The following TESK2 variants were observed in gnomAD, a reference collection of about 807,000 sequenced individuals.
The protein encoded by TESK2 is dual specificity testis-specific protein kinase 2.
TESK2 carries 39 observed loss-of-function variants against 57.1 expected under a neutral mutation model. The observed-to-expected ratio is 0.68, with a 90% CI of 0.53 to 0.89. The LOEUF (loss-of-function observed/expected upper bound fraction) is 0.89. Ranked by LOEUF, TESK2 falls within the 40% of genes least tolerant of loss-of-function variation. TESK2 has a pLI of 0.00. For synonymous variants in TESK2, 249 were observed against 267.9 expected (o/e 0.93, Z 0.69); for missense variants, 646 against 732.1 (o/e 0.88, Z 1.36).
At chr1:45,407,144 G>A (rs757822839) in intron 3 of TESK2, among the ~76,000 whole-genome samples, 30 of 152,232 alleles carry the variant, frequency 2.0e-4, no homozygotes, top group African/African-American at 6.7e-4. Context: ...AGAGTGCAGC[G>A]GTGTGATTAC....
In TESK2 at chr1:45,348,013, G is replaced by A; in HGVS notation, c.541-13C>T. ...TTATCAGGCAGTTCTAGGGTTCCCA[G>A]GAAGGAAGAGAAAATAATGTGGCTC... On this transcript the variant is annotated splice_polypyrimidine_tract_variant and intron_variant, in intron 5 of 10. Transcript: ENST00000372086. 6.4e-7 allele frequency: 1 copy of A among 1,569,084 alleles called. No homozygotes were observed. Among genetic ancestry groups the A allele is most frequent in the East Asian group, 2.2e-5 (1 of 44,656 alleles).
At chr1:45,422,444 CTGT>C (rs1161256735) in intron 2 of TESK2, among the ~76,000 whole-genome samples, 1 of 151,918 alleles carries the variant, frequency 6.6e-6, no homozygotes, top group Non-Finnish European at 1.5e-5. Context: ...TGGTTTGTTG[CTGT>C]TGTTGTTTTT....
chr1:45,379,702 G>A (rs773704611), intron 4 of TESK2, among the ~76,000 whole-genome samples: 4 of 152,130 alleles, frequency 2.6e-5, no homozygotes, highest in African/African-American at 4.8e-5. Context: ...AGAGCTATGT[G>A]AATAACAAAC....
chr1:45,457,582 G>A lies in TESK2; in HGVS notation c.204C>T (p.Phe68=), dbSNP rs772201007. The change falls in exon 2 of 11, where the codon TTC becomes TTT. Residue 68 remains phenylalanine, a synonymous_variant. Transcript: ENST00000372086. ...DFTCEKIGSG[F]FSEVFKVRHR... ...CACTCACCTTGAACACTTCAGAAAA[G>A]AAGCCAGACCCTATTTTTTCACAGG... The A allele has an allele frequency of 6.2e-7, 1 of 1,613,984 alleles. No homozygotes were observed. The highest frequency in any genetic ancestry group is 8.5e-7 in the Non-Finnish European group (1 of 1,179,966).
chr1:45,368,355 G>T (rs1648032309), intron 4 of TESK2, among the ~76,000 whole-genome samples: 1 of 148,362 alleles, frequency 6.7e-6, no homozygotes, highest in South Asian at 2.1e-4. Flanking sequence ...TTTTGTGTGT[G>T]TTTTTTGTTT....
chr1:45,433,504 C>T lies in TESK2; in HGVS notation c.223-11658G>A, dbSNP rs75213280. Reference sequence around the variant, plus strand: ...TTTACCTCTATGAGATCAACTATTTCAGCTCTCACATATAAGTGAGAACTT... The same window carrying T: ...TTTACCTCTATGAGATCAACTATTTTAGCTCTCACATATAAGTGAGAACTT... On this transcript the variant is annotated intron_variant, in intron 2 of 10. Coordinates refer to ENST00000372086, the MANE Select transcript of TESK2 (RefSeq NM_007170.3). Among the ~76,000 whole-genome samples the T allele has an allele frequency of 3.4e-3, 518 of 152,042 alleles. 6 individuals carry two copies. Among genetic ancestry groups the T allele is most frequent in the East Asian group, 0.03 (153 of 5,160 alleles).
intron 2 of TESK2, among the ~76,000 whole-genome samples, chr1:45,433,719 T>C (rs1028652977): frequency 6.6e-6 from 1 of 152,224 alleles, no homozygotes; most frequent in Admixed American, 6.5e-5. Flanking sequence ...ATATATTTGC[T>C]ACTGTGAATA....
At chr1:45,367,516 T>C (rs1172853132) in intron 4 of TESK2, among the ~76,000 whole-genome samples, 1 of 150,124 alleles carries the variant, frequency 6.7e-6, no homozygotes, top group Non-Finnish European at 1.5e-5. Flanking sequence ...GCCTGGCTAA[T>C]TGTTGTATTT....
chr1:45,482,521 CA>C (rs1419324969), intron 1 of TESK2, among the ~76,000 whole-genome samples: 1 of 146,930 alleles, frequency 6.8e-6, no homozygotes, highest in South Asian at 2.1e-4. Context: ...GCCCCTGTCT[CA>C]AAAAAATAAA....
chr1:45,490,969 G>A lies in TESK2; in HGVS notation c.-204C>T, dbSNP rs1023242591. 6.6e-5 allele frequency: 10 copies of A among 152,334 alleles called. No homozygotes were observed. Among genetic ancestry groups the A allele is most frequent in the African/African-American group, 2.4e-4 (10 of 41,456 alleles). The allele number at this position is 152,334 out of a possible 1,614,324, so 9.4% of individuals were successfully genotyped here. A position where few individuals can be genotyped will look rare whatever the true frequency, so the allele number is the denominator to read the frequency against. Reference sequence around the variant, plus strand: ...TGGTGGCAGCGGCTCCTTAGCCTGCGGAGGCGGTGGGAGCCCCTAGCGCAG... The same window carrying A: ...TGGTGGCAGCGGCTCCTTAGCCTGCAGAGGCGGTGGGAGCCCCTAGCGCAG... On this transcript the variant is annotated 5_prime_UTR_variant, in exon 1 of 11. Transcript: ENST00000372086.
At chr1:45,458,821 G>T (rs1228719505) in intron 1 of TESK2, among the ~76,000 whole-genome samples, 2 of 151,974 alleles carry the variant, frequency 1.3e-5, no homozygotes, top group Non-Finnish European at 2.9e-5. Flanking sequence ...ACTATAGAAG[G>T]CTCCATCCCA....
chr1:45,358,005 C>CT (rs1336432161), intron 4 of TESK2, among the ~76,000 whole-genome samples: 41 of 52,936 alleles, frequency 7.7e-4, no homozygotes, highest in African/African-American at 4.5e-3. Flanking sequence ...GAAACTCCGT[C>CT]TAAAAAAAAA....
intron 4 of TESK2, among the ~76,000 whole-genome samples, chr1:45,376,975 T>A (rs1271179660): frequency 6.6e-6 from 1 of 152,166 alleles, no homozygotes; most frequent in Non-Finnish European, 1.5e-5. Context: ...ATCCCAGCAC[T>A]CTGGGAGGCC....
intron 4 of TESK2, among the ~76,000 whole-genome samples, chr1:45,362,817 G>A (rs567164719): frequency 2.6e-5 from 4 of 152,020 alleles, no homozygotes; most frequent in Non-Finnish European, 5.9e-5. Flanking sequence ...AGATAAATGG[G>A]GCCAGTCTCT....
intron 2 of TESK2, among the ~76,000 whole-genome samples, chr1:45,435,237 T>C (rs1651147713): frequency 6.6e-6 from 1 of 151,932 alleles, no homozygotes; most frequent in African/African-American, 2.4e-5. Context: ...ACCAATCCTC[T>C]CACCTCAGTC....
Position 45,478,122 on chromosome 1 carries a change from G to A in TESK2, c.-87+12730C>T, listed in dbSNP as rs184587051. Among the ~76,000 whole-genome samples the A allele has an allele frequency of 4.3e-4, 65 of 152,272 alleles. 3 individuals are homozygous for A. Among genetic ancestry groups the A allele is most frequent in the African/African-American group, 1.5e-3 (63 of 41,564 alleles). On this transcript the variant is annotated intron_variant, in intron 1 of 10. Transcript: ENST00000372086. The stretch of plus-strand genomic sequence containing the variant: ...ATCTATGTCCATTCCTCTATCTGCA[G>A]TCACAATCTACTCCAAACATAGAGA...
At chr1:45,472,233 C>CA (rs1343258796) in intron 1 of TESK2, among the ~76,000 whole-genome samples, 16 of 132,888 alleles carry the variant, frequency 1.2e-4, no homozygotes, top group South Asian at 4.9e-4. Flanking sequence ...GCCTGGGCGA[C>CA]AGAGCAAGAC....
intron 3 of TESK2, among the ~76,000 whole-genome samples, chr1:45,406,717 T>C (rs1388478139): frequency 6.6e-6 from 1 of 152,118 alleles, no homozygotes; most frequent in East Asian, 1.9e-4. Flanking sequence ...ACTACCACCA[T>C]GTGGTCCCAG....
rs559155151 is a variant in TESK2, at chr1:45,348,486, A to T, written c.541-486T>A. ...TAACCTTCACTGTCCACAAGATCAC[A>T]ACCAACCTCTTCTCTGGCATTAAAA... On this transcript the variant is annotated intron_variant, in intron 5 of 10. Coordinates refer to ENST00000372086, the MANE Select transcript of TESK2 (RefSeq NM_007170.3). Among the ~76,000 whole-genome samples, 3 of 152,312 alleles carry T rather than the reference A, an allele frequency of 2.0e-5. No individual in the cohort carries two copies. The South Asian group carries it at 6.2e-4, about 32-fold the overall frequency.
Sources: gnomAD v4.1 joint callset for allele counts (sites outside exome capture counted in the v4.1 genomes callset) on GRCh38, gnomAD v4.1.1 for gene constraint, MANE v1.5 for transcripts, NCBI Gene and HGNC (gene_info 2026-07-23, HGNC 2026-07-21) for gene names.